PES1: variants seen among roughly 807,000 people sequenced by gnomAD.
PES1 encodes pescadillo ribosomal biogenesis factor 1, also known as pescadillo homolog.
PES1 carries 31 observed loss-of-function variants against 77.1 expected under a neutral mutation model. That is an observed-to-expected ratio of 0.40 (90% CI 0.30 to 0.54). The LOEUF (loss-of-function observed/expected upper bound fraction) is 0.54. Ranked by LOEUF, PES1 falls within the 20% of genes least tolerant of loss-of-function variation. The pLI, the probability that PES1 is intolerant of heterozygous loss-of-function variation, is 0.45. For missense variants in PES1, 658 were observed against 771.7 expected (o/e 0.85, Z 1.75); for synonymous variants, 282 against 303.0 (o/e 0.93, Z 0.72).
intron 14 of PES1, 133 bp from the exon 15 acceptor site, chr22:30,577,262 A>G (rs2086914966): frequency 1.4e-6 from 1 of 722,498 alleles, no homozygotes; most frequent in East Asian, 2.7e-5. Context: ...AAAAAAATCT[A>G]CCTGACCCAC....
chr22:30,604,636 ATAAAT>A (rs754917749), intron 2 of PES1, among the ~76,000 whole-genome samples: 122 of 150,030 alleles, frequency 8.1e-4, no homozygotes, highest in African/African-American at 9.5e-4. Flanking sequence ...CTCAAAAAAA[ATAAAT>A]AAATAAGAAA....
chr22:30,576,765 G>C lies in PES1; in HGVS notation c.*281C>G. On this transcript the variant is annotated 3_prime_UTR_variant, in exon 15 of 15. Transcript: ENST00000354694. ...AGGATGAATGGGGGCAGTAGGTAGG[G>C]GGCTGGGTGGGCCTCTGCACCTCAT... 1 of 493,362 alleles carries C rather than the reference G, an allele frequency of 2.0e-6. No individual in the cohort carries two copies. The highest frequency in any genetic ancestry group is 2.7e-5 in the South Asian group (1 of 36,432). 30.6% of individuals were successfully genotyped at this position (493,362 alleles called of 1,614,324 possible).
chr22:30,584,031 G>T (rs2087027581), intron 6 of PES1, among the ~76,000 whole-genome samples: 1 of 152,256 alleles, frequency 6.6e-6, no homozygotes. Flanking sequence ...TGCAGGCTGG[G>T]TATGGCCCTG....
intron 2 of PES1, chr22:30,604,234 C>T (rs943991751): frequency 1.3e-5 from 2 of 152,176 alleles, no homozygotes; most frequent in Non-Finnish European, 2.9e-5. Flanking sequence ...GGATATCAAA[C>T]AGCAAATTTC....
In PES1 at chr22:30,581,389, G is replaced by C. The variant is rs1243343212; in HGVS notation, c.767C>G (p.Ala256Gly). ...YPPKLEGQAQAEAKAGEGTYA... is the reference protein window; with the variant it reads ...YPPKLEGQAQGEAKAGEGTYA... ...GGTGCCCTCACCGGCCTTTGCCTCT[G>C]CTTGGGCCTGACCCTCGAGCTAGTA... Residue 256 changes from alanine to glycine, a missense_variant, in exon 8 of 15, where the codon GCA becomes GGA. By Grantham distance (60) the Ala-to-Gly change is moderately conservative (BLOSUM62 0). Coordinates refer to ENST00000354694, the MANE Select transcript of PES1 (RefSeq NM_014303.4). 6.2e-7 allele frequency: 1 copy of C among 1,613,642 alleles called. No homozygotes were observed. The highest frequency in any genetic ancestry group is 8.5e-7 in the Non-Finnish European group (1 of 1,180,028).
chr22:30,592,532 C>T, upstream of PES1: 2 of 547,336 alleles, frequency 3.7e-6, no homozygotes, highest in South Asian at 1.6e-4. Flanking sequence ...AGCGGTGGCG[C>T]ACGCCTGTAA....
intron 2 of PES1, among the ~76,000 whole-genome samples, chr22:30,599,119 C>G (rs1363098003): frequency 1.3e-5 from 2 of 151,774 alleles, no homozygotes; most frequent in Admixed American, 1.3e-4. Flanking sequence ...AGGCTGGGCT[C>G]AAACTCCTGA....
chr22:30,604,496 G>C (rs552880200), intron 2 of PES1, among the ~76,000 whole-genome samples: 1 of 152,192 alleles, frequency 6.6e-6, no homozygotes, highest in African/African-American at 2.4e-5. Context: ...AGCTGGGGGT[G>C]GTGGCGCATG....
At chr22:30,584,845 T>C (rs2087051863) in intron 4 of PES1, 128 bp from the exon 5 acceptor site, 2 of 903,456 alleles carry the variant, frequency 2.2e-6, no homozygotes, top group Non-Finnish European at 3.4e-6. Flanking sequence ...CCTCCTGACC[T>C]GGCAGGAGCA....
rs2086957142 is a variant in PES1 at position 30,579,913 on chromosome 22, C to A, written c.1192G>T (p.Val398Leu). ...IGRCYVQPQWVFDSVNARLLL... is the reference protein window; with the variant it reads ...IGRCYVQPQWLFDSVNARLLL... ...AGCCTGGCGTTCACTGAGTCAAACA[C>A]CCACTGGGGCTGCACGTAGCACCTG... Residue 398 changes from valine (V) to leucine (L), a missense_variant, in exon 12 of 15, where the codon GTG (valine) becomes TTG (leucine). Val to Leu is a conservative substitution (Grantham distance 32). Transcript: ENST00000354694. 6.2e-7 allele frequency: 1 copy of A among 1,614,148 alleles called. No homozygotes were observed. Among genetic ancestry groups the A allele is most frequent in the Non-Finnish European group, 8.5e-7 (1 of 1,180,028 alleles).
intron 2 of PES1, among the ~76,000 whole-genome samples, chr22:30,604,637 TA>T (rs1285260061): frequency 1.0e-4 from 1 of 9,694 alleles, no homozygotes; most frequent in African/African-American, 1.2e-3. Context: ...TCAAAAAAAA[TA>T]AATAAATAAG....
In PES1 at chr22:30,581,576, A is replaced by G; in HGVS notation, c.699T>C (p.Phe233=). 1.2e-6 allele frequency: 2 copies of G among 1,613,882 alleles called. No individual in the cohort carries two copies. Among genetic ancestry groups the G allele is most frequent in the Non-Finnish European group, 1.7e-6 (2 of 1,179,972 alleles). The change falls in exon 7 of 15, where the codon TTT becomes TTC. Residue 233 remains phenylalanine, a synonymous_variant. Coordinates refer to ENST00000354694, the MANE Select transcript of PES1 (RefSeq NM_014303.4). ...FTEFYTTLLG[F]VNFRLYQLLN... ...GCAACTGGTAAAGGCGGAAGTTGAC[A>G]AAGCCCAGCAGCGTGGTGTAGAACT...
At position 30,576,943 on chromosome 22, in the gene PES1, G is replaced by A. The variant is rs911096052; in HGVS notation, c.*103C>T. ...GGTCAGGGCTGGCTGGAGAAAGGAG[G>A]AGGAGAAGTGACTCTGGTCCATCAC... On this transcript the variant is annotated 3_prime_UTR_variant, in exon 15 of 15. Coordinates refer to ENST00000354694, the MANE Select transcript of PES1 (RefSeq NM_014303.4). 4.2e-6 allele frequency: 4 copies of A among 948,284 alleles called. No individual in the cohort carries two copies. The highest frequency in any genetic ancestry group is 2.7e-5 in the South Asian group (2 of 74,832). 58.7% of individuals were successfully genotyped at this position (948,284 alleles called of 1,614,324 possible).
At chr22:30,578,739 T>A in intron 14 of PES1, 98 bp downstream of exon 14, 1 of 1,344,120 alleles carries the variant, frequency 7.4e-7, no homozygotes, top group Non-Finnish European at 1.0e-6. Flanking sequence ...TAGGAGAGCC[T>A]CAGTCTGCCT....
At chr22:30,596,645 A>G (rs549682809), upstream of PES1, among the ~76,000 whole-genome samples, 2 of 152,374 alleles carry the variant, frequency 1.3e-5, no homozygotes, top group South Asian at 2.1e-4. Flanking sequence ...ATTTGGACCC[A>G]ACCATCTTTT....
chr22:30,581,275 G>T, intron 8 of PES1, 59 bp downstream of exon 8: 1 of 1,549,562 alleles, frequency 6.5e-7, no homozygotes, highest in East Asian at 2.2e-5. Flanking sequence ...CCCCAGAGGT[G>T]TTGGGGACAG....
rs1180462578 is a variant in PES1 at position 30,591,806 on chromosome 22, T to C, written c.24+4A>G. 1.3e-6 allele frequency: 2 copies of C among 1,560,896 alleles called. No individual in the cohort carries two copies. Among genetic ancestry groups the C allele is most frequent in the Non-Finnish European group, 1.7e-6 (2 of 1,153,400 alleles). ...CGGGAATCCCCACCGTCTTTCCCAA[T>C]CACCTTCTTCTTCTCAAGGCCTCCC... is the stretch of plus-strand genomic sequence containing the variant. On this transcript the variant is annotated splice_donor_region_variant and intron_variant, in intron 1 of 14. Coordinates refer to ENST00000354694, the MANE Select transcript of PES1 (RefSeq NM_014303.4).
Position 30,602,535 on chromosome 22 carries a change from A to C in PES1, c.-661+2926T>G, listed in dbSNP as rs377443690. On this transcript the variant is annotated intron_variant, in intron 2 of 16. Transcript: ENST00000402281. ...CCATGTCCGGCCTCTTTTTTCTTTT[A>C]TTTTCTTTTCCTTTTTTTCTTTTCT... 2.6e-4 allele frequency among the ~76,000 whole-genome samples: 31 copies of C among 121,448 alleles called. 4 individuals carry two copies. The highest frequency in any genetic ancestry group is 1.8e-3 in the Admixed American group (21 of 11,614). 79.7% of individuals were successfully genotyped at this position (121,448 alleles called of 152,430 possible). A position where few individuals can be genotyped will look rare whatever the true frequency, so the allele number is the denominator to read the frequency against.
intron 4 of PES1, among the ~76,000 whole-genome samples, chr22:30,585,925 T>C (rs931797499): frequency 1.3e-5 from 2 of 152,192 alleles, no homozygotes; most frequent in African/African-American, 4.8e-5. Context: ...GCAGAACAGC[T>C]GTCTGGTTTC....
Sources: allele counts gnomAD v4.1 joint callset (sites outside exome capture counted in the v4.1 genomes callset), GRCh38; gene constraint gnomAD v4.1.1; transcripts MANE v1.5; gene names NCBI Gene and HGNC (gene_info 2026-07-23, HGNC 2026-07-21).